CAPZB: variants seen among roughly 807,000 people sequenced by gnomAD.
CAPZB encodes the protein capping actin protein of muscle Z-line subunit beta.
A neutral mutation model predicts 38.1 loss-of-function variants in CAPZB; 2 were observed. The observed-to-expected ratio is 0.05, with a 90% confidence interval of 0.02 to 0.17. The LOEUF (loss-of-function observed/expected upper bound fraction) is 0.17. CAPZB is among the 10% of genes least tolerant of loss of function. The probability of loss-of-function intolerance (pLI) is 1.00; values close to 1 mark genes in which losing one functional copy is unlikely to be tolerated. For missense variants in CAPZB, 161 were observed against 334.2 expected (o/e 0.48, Z 4.04); for synonymous variants, 107 against 127.4 (o/e 0.84, Z 1.08).
At chr1:19,359,783 T>A (rs530877364) in intron 4 of CAPZB, among the ~76,000 whole-genome samples, 3 of 152,162 alleles carry the variant, frequency 2.0e-5, no homozygotes, top group Non-Finnish European at 4.4e-5. Context: ...GACCACTGGA[T>A]GAACAGACAC....
chr1:19,381,012 AC>A (rs1344078755), intron 3 of CAPZB, among the ~76,000 whole-genome samples: 2 of 152,232 alleles, frequency 1.3e-5, no homozygotes, highest in East Asian at 3.9e-4. Flanking sequence ...TACTAAACAT[AC>A]AAAAAATTAG....
chr1:19,346,999 T>A (rs953559986), intron 6 of CAPZB, among the ~76,000 whole-genome samples: 4 of 151,360 alleles, frequency 2.6e-5, no homozygotes, highest in East Asian at 3.9e-4. Context: ...TTTTTTTATT[T>A]TTATTTTTAT....
chr1:19,339,321 G>C lies in CAPZB; in HGVS notation c.*209C>G. On this transcript the variant is annotated 3_prime_UTR_variant, in exon 9 of 9. Coordinates refer to ENST00000264202, the MANE Select transcript of CAPZB (RefSeq NM_004930.5). ...TCTATGGAAATGTGGAGAGAACTGAGAGCGAGGTGTGGCAGAAGCAGGCTC... is the reference window on the plus strand; with the variant it reads ...TCTATGGAAATGTGGAGAGAACTGACAGCGAGGTGTGGCAGAAGCAGGCTC... 1 of 612,490 alleles carries C rather than the reference G, an allele frequency of 1.6e-6. No homozygotes were observed. Among genetic ancestry groups the C allele is most frequent in the South Asian group, 1.9e-5 (1 of 52,512 alleles). The allele number at this position is 612,490 out of a possible 1,614,324, so 37.9% of individuals were successfully genotyped here.
rs2094640997 is a variant in CAPZB, at chr1:19,484,096, C to T, written c.3+1340G>A. 4.4e-6 allele frequency: 6 copies of T among 1,372,224 alleles called. No individual in the cohort carries two copies. In the East Asian group the frequency reaches 7.6e-5, roughly 17 times the overall value. The allele number at this position is 1,372,224 out of a possible 1,614,324, so 85.0% of individuals were successfully genotyped here. A position where few individuals can be genotyped will look rare whatever the true frequency, so the allele number is the denominator to read the frequency against. On this transcript the variant is annotated intron_variant, in intron 1 of 8. Coordinates refer to ENST00000264202, the MANE Select transcript of CAPZB (RefSeq NM_004930.5). Reference sequence around the variant, plus strand: ...CTATCTGTGGGGGCCTATGTGAAACCCCAGGTTCCTCAAAAGTCTGGATAG... The same window carrying T: ...CTATCTGTGGGGGCCTATGTGAAACTCCAGGTTCCTCAAAAGTCTGGATAG...
chr1:19,480,438 G>A (rs1438398991), intron 1 of CAPZB, among the ~76,000 whole-genome samples: 1 of 152,174 alleles, frequency 6.6e-6, no homozygotes, highest in East Asian at 1.9e-4. Context: ...ATCCAGATGT[G>A]CCCAACTGCA....
chr1:19,386,247 G>A (rs552682050), intron 2 of CAPZB, among the ~76,000 whole-genome samples: 1 of 152,306 alleles, frequency 6.6e-6, no homozygotes, highest in South Asian at 2.1e-4. Context: ...AGATGACCCC[G>A]CGGTCGGGGG....
chr1:19,449,160 C>T (rs557666017), intron 1 of CAPZB: 65 of 1,331,184 alleles, frequency 4.9e-5, no homozygotes, highest in Admixed American at 1.8e-4. Flanking sequence ...AGGCTGATAA[C>T]GCACAAAGTG....
chr1:19,360,148 T>C (rs1342568108), intron 4 of CAPZB, among the ~76,000 whole-genome samples: 1 of 152,186 alleles, frequency 6.6e-6, no homozygotes, highest in Non-Finnish European at 1.5e-5. Context: ...CTTTCTGGCT[T>C]GTTCTCCTGG....
chr1:19,359,094 A>T (rs2094037985), intron 4 of CAPZB, among the ~76,000 whole-genome samples: 1 of 152,228 alleles, frequency 6.6e-6, no homozygotes, highest in African/African-American at 2.4e-5. Context: ...TTAATGTAAA[A>T]TTAAGTACTA....
intron 2 of CAPZB, among the ~76,000 whole-genome samples, chr1:19,401,672 C>A (rs146169059): frequency 1.3e-5 from 2 of 152,184 alleles, no homozygotes; most frequent in Admixed American, 6.5e-5. Flanking sequence ...AAGGCAGAAA[C>A]AGAATTCAGG....
At chr1:19,384,253 C>T (rs578143700) in intron 3 of CAPZB, among the ~76,000 whole-genome samples, 54 of 152,284 alleles carry the variant, frequency 3.5e-4, no homozygotes, top group African/African-American at 1.3e-3. Context: ...CCACTGCCCT[C>T]CCCTCACTGC....
chr1:19,364,470 T>C (rs1241135115), intron 4 of CAPZB, among the ~76,000 whole-genome samples: 1 of 152,258 alleles, frequency 6.6e-6, no homozygotes, highest in Non-Finnish European at 1.5e-5. Context: ...GACTTCTCAC[T>C]ACTGCCTTCC....
intron 1 of CAPZB, among the ~76,000 whole-genome samples, chr1:19,482,545 C>T (rs1178709101): frequency 6.6e-6 from 1 of 152,190 alleles, no homozygotes; most frequent in African/African-American, 2.4e-5. Flanking sequence ...GTGTAAGGAA[C>T]GGTGCTCTGA....
chr1:19,438,510 G>C (rs4911995), intron 1 of CAPZB, among the ~76,000 whole-genome samples: 35,431 of 152,122 alleles, frequency 0.23, 4,492 homozygotes, highest in Non-Finnish European at 0.28. Context: ...TGAGTGAAGA[G>C]AGGAGCCTTT....
intron 2 of CAPZB, among the ~76,000 whole-genome samples, chr1:19,411,472 G>A (rs2094356631): frequency 6.6e-6 from 1 of 152,080 alleles, no homozygotes; most frequent in Non-Finnish European, 1.5e-5. Context: ...TACTGTTCTA[G>A]GACAGCTCAG....
At chr1:19,467,541 C>A (rs2094572905) in intron 1 of CAPZB, among the ~76,000 whole-genome samples, 1 of 152,194 alleles carries the variant, frequency 6.6e-6, no homozygotes, top group Non-Finnish European at 1.5e-5. Context: ...CACTGTGTAT[C>A]AGCCCAATCA....
chr1:19,423,836 C>G (rs1435226055), intron 1 of CAPZB, among the ~76,000 whole-genome samples: 1 of 152,132 alleles, frequency 6.6e-6, no homozygotes, highest in African/African-American at 2.4e-5. Context: ...GCCACCATGC[C>G]TGGCTAATTT....
chr1:19,372,713 G>T (rs2094125236), intron 4 of CAPZB, among the ~76,000 whole-genome samples: 1 of 152,320 alleles, frequency 6.6e-6, no homozygotes, highest in East Asian at 1.9e-4. Context: ...GCTCTGCTGA[G>T]AAAGAGTGTC....
intron 6 of CAPZB, among the ~76,000 whole-genome samples, chr1:19,348,391 C>T (rs972175978): frequency 3.3e-5 from 5 of 152,108 alleles, no homozygotes; most frequent in African/African-American, 1.2e-4. Flanking sequence ...TGCTAAGGCA[C>T]TGGGTTTTAA....
Sources: allele counts gnomAD v4.1 joint callset (sites outside exome capture counted in the v4.1 genomes callset), GRCh38; gene constraint gnomAD v4.1.1; transcripts MANE v1.5; gene names NCBI Gene and HGNC (gene_info 2026-07-23, HGNC 2026-07-21).